The following EFHC2 variants were observed in gnomAD, a reference collection of about 807,000 sequenced individuals.
The protein encoded by EFHC2 is EF-hand domain containing 2, also known as EF-hand domain-containing family member C2.
A neutral mutation model predicts 52.7 loss-of-function variants in EFHC2; 18 were observed. That is an observed-to-expected ratio of 0.34 (90% CI 0.24 to 0.51). The LOEUF (loss-of-function observed/expected upper bound fraction) is 0.51. EFHC2 is among the 20% of genes least tolerant of loss of function. EFHC2 has a pLI of 0.97. For missense variants in EFHC2, 513 were observed against 562.5 expected (o/e 0.91, Z 0.89); for synonymous variants, 203 against 204.1 (o/e 0.99, Z 0.04).
intron 2 of EFHC2, among the ~76,000 whole-genome samples, chrX:44,276,503 T>A (rs1055472505): frequency 8.9e-6 from 1 of 112,531 alleles, no homozygotes; most frequent in African/African-American, 3.2e-5. Context: ...GATTTCCTCA[T>A]TACAAAGGAA....
chrX:44,273,676 A>G (rs1231317332), intron 2 of EFHC2, among the ~76,000 whole-genome samples: 2 of 111,572 alleles, frequency 1.8e-5, no homozygotes, highest in Non-Finnish European at 3.8e-5. Flanking sequence ...CATTCTTAAT[A>G]TGGCATCCTG....
At chrX:44,204,253 A>AAG (rs1848288856) in intron 11 of EFHC2, among the ~76,000 whole-genome samples, 1 of 107,055 alleles carries the variant, frequency 9.3e-6, no homozygotes, top group African/African-American at 3.4e-5. Context: ...AAAAAAAAAA[A>AAG]GCAGCAACAG....
chrX:44,213,315 C>T (rs1245125298), intron 11 of EFHC2, among the ~76,000 whole-genome samples: 2 of 111,205 alleles, frequency 1.8e-5, no homozygotes, highest in African/African-American at 3.3e-5. Flanking sequence ...AACACTATGT[C>T]GATAAAAAGC....
chrX:44,216,156 T>G (rs1392569327), intron 11 of EFHC2, among the ~76,000 whole-genome samples: 1 of 112,595 alleles, frequency 8.9e-6, no homozygotes, highest in Non-Finnish European at 1.9e-5. Context: ...CAGTTAATAT[T>G]GCTTTTTAAC....
At chrX:44,196,165 C>T (rs1348333489) in intron 11 of EFHC2, among the ~76,000 whole-genome samples, 1 of 111,922 alleles carries the variant, frequency 8.9e-6, no homozygotes, top group Non-Finnish European at 1.9e-5. Context: ...GGTCCACCAG[C>T]CTTGGCCTGC....
At chrX:44,248,431 T>G in intron 6 of EFHC2, 21 bp from the exon 7 acceptor site, 1 of 1,186,912 alleles carries the variant, frequency 8.4e-7, no homozygotes. Context: ...CAAAGGAACA[T>G]AGCATTGGCA....
intron 13 of EFHC2, among the ~76,000 whole-genome samples, chrX:44,171,449 C>T (rs893192264): frequency 1.4e-4 from 16 of 111,290 alleles, no homozygotes; most frequent in Non-Finnish European, 2.1e-4. Flanking sequence ...GGAGAGAAGA[C>T]GGTGAAGATC....
At chrX:44,158,002 A>G (rs2036621638) in intron 14 of EFHC2, among the ~76,000 whole-genome samples, 1 of 110,341 alleles carries the variant, frequency 9.1e-6, no homozygotes, top group African/African-American at 3.3e-5. Context: ...GCCCTGCTAG[A>G]ACTCCCTTCC....
chrX:44,229,578 G>A (rs1208235938), intron 11 of EFHC2, 71 bp downstream of exon 11: 9 of 1,150,250 alleles, frequency 7.8e-6, no homozygotes, highest in South Asian at 1.9e-5. Flanking sequence ...GATTAGGAAA[G>A]AAATAGTTCT....
chrX:44,276,540 T>C (rs2037659492), intron 2 of EFHC2, among the ~76,000 whole-genome samples: 1 of 112,748 alleles, frequency 8.9e-6, no homozygotes, highest in Admixed American at 9.4e-5. Flanking sequence ...TGTTTCTGAA[T>C]TCAGGATCTT....
At chrX:44,330,085 C>CAA (rs34888507) in intron 1 of EFHC2, among the ~76,000 whole-genome samples, 17,434 of 46,345 alleles carry the variant, frequency 0.38, 3,450 homozygotes, top group South Asian at 0.45. Context: ...CCTGTCTCTA[C>CAA]AAAAAAAAAA....
In EFHC2 at chrX:44,148,696, C is replaced by A; in HGVS notation, c.*99G>T. On this transcript the variant is annotated 3_prime_UTR_variant, in exon 15 of 15. Transcript: ENST00000420999. The stretch of plus-strand genomic sequence containing the variant: ...TTTATGGATTTCCATTTAATATAAA[C>A]CTTGTTTCTTTTTTGTTTTTAATGA... 1 of 720,155 alleles carries A rather than the reference C, an allele frequency of 1.4e-6. No individual in the cohort carries two copies. The highest frequency in any genetic ancestry group is 2.0e-6 in the Non-Finnish European group (1 of 494,526). The allele number at this position is 720,155 out of a possible 1,213,427, so 59.3% of individuals were successfully genotyped here. A position where few individuals can be genotyped will look rare whatever the true frequency, so the allele number is the denominator to read the frequency against.
At chrX:44,335,752 T>C (rs919860706) in intron 1 of EFHC2, among the ~76,000 whole-genome samples, 3 of 112,290 alleles carry the variant, frequency 2.7e-5, no homozygotes, top group Non-Finnish European at 5.6e-5. Flanking sequence ...CAATAGTTTT[T>C]GAACTCATGT....
intron 2 of EFHC2, among the ~76,000 whole-genome samples, chrX:44,307,719 A>T (rs1357282819): frequency 1.8e-5 from 2 of 111,320 alleles, no homozygotes; most frequent in Admixed American, 9.6e-5. Flanking sequence ...GGATCACCTG[A>T]GGTCAGGAGT....
chrX:44,170,485 G>T (rs752988084), intron 13 of EFHC2, among the ~76,000 whole-genome samples: 2 of 110,670 alleles, frequency 1.8e-5, no homozygotes, highest in African/African-American at 6.6e-5. Context: ...GAATATTACA[G>T]GAGTGAGAAC....
At chrX:44,184,492 G>C (rs755556890) in intron 11 of EFHC2, among the ~76,000 whole-genome samples, 1 of 111,407 alleles carries the variant, frequency 9.0e-6, no homozygotes, top group Non-Finnish European at 1.9e-5. Context: ...GGAGGCTGAG[G>C]CCGGCAGATC....
intron 3 of EFHC2, among the ~76,000 whole-genome samples, chrX:44,263,734 A>G (rs1242449851): frequency 8.9e-6 from 1 of 112,327 alleles, no homozygotes; most frequent in East Asian, 2.8e-4. Context: ...GAACCATTAT[A>G]TACTACTTTA....
At chrX:44,195,687 G>A (rs1353648854) in intron 11 of EFHC2, among the ~76,000 whole-genome samples, 1 of 110,894 alleles carries the variant, frequency 9.0e-6, no homozygotes, top group African/African-American at 3.3e-5. Flanking sequence ...TATTCTGATG[G>A]AATGATATTA....
intron 11 of EFHC2, among the ~76,000 whole-genome samples, chrX:44,215,529 TG>T (rs375720323): frequency 0.085 from 6,228 of 73,608 alleles, 543 homozygotes; most frequent in African/African-American, 0.27. Flanking sequence ...ATACTTCCAT[TG>T]GGGGGGGGTG....
Sources: allele counts gnomAD v4.1 joint callset (sites outside exome capture counted in the v4.1 genomes callset), GRCh38; gene constraint gnomAD v4.1.1; transcripts MANE v1.5; gene names NCBI Gene and HGNC (gene_info 2026-07-23, HGNC 2026-07-21).